Variants in FHIT observed in about 807,000 individuals in gnomAD.
The protein encoded by FHIT is bis(5'-adenosyl)-triphosphatase.
A neutral mutation model predicts 17.9 loss-of-function variants in FHIT; 19 were observed. The ratio of observed to expected loss-of-function variants is 1.06; its 90% CI spans 0.74 to 1.56. FHIT has a LOEUF of 1.56. FHIT is among the 40% of genes most tolerant of loss of function. FHIT has a pLI of 0.00. For synonymous variants in FHIT, 81 were observed against 69.7 expected, an observed-to-expected ratio of 1.16 and a Z score of -0.81; for missense variants, 248 against 189.2, an observed-to-expected ratio of 1.31 and a Z score of -1.82.
At chr3:60,331,664 T>A (rs1191159199) in intron 5 of FHIT, among the ~76,000 whole-genome samples, 1 of 152,032 alleles carries the variant, frequency 6.6e-6, no homozygotes, top group Non-Finnish European at 1.5e-5. Flanking sequence ...CTGACCAACA[T>A]GGAGAAACCT....
intron 2 of FHIT, among the ~76,000 whole-genome samples, chr3:61,043,774 C>T (rs1460976375): frequency 6.6e-6 from 1 of 152,176 alleles, no homozygotes; most frequent in African/African-American, 2.4e-5. Context: ...CCCTCTGAGA[C>T]AAAGCTTTCA....
intron 4 of FHIT, among the ~76,000 whole-genome samples, chr3:60,563,037 T>G (rs1202828759): frequency 6.6e-6 from 1 of 152,190 alleles, no homozygotes; most frequent in African/African-American, 2.4e-5. Context: ...GGCTAGCCTT[T>G]GGAAGTTTTT....
At position 60,188,207 on chromosome 3, in the gene FHIT, CTTTTTT is replaced by C. The variant is rs1210975877; in HGVS notation, c.104-174061_104-174056del. 4.8e-5 allele frequency among the ~76,000 whole-genome samples: 6 copies of C among 125,574 alleles called. No homozygotes were observed. The East Asian group carries it at 7.1e-4, about 15-fold the overall frequency. 82.4% of individuals were successfully genotyped at this position (125,574 alleles called of 152,430 possible). ...ACTCAGGGATCTTGACAGTTTCTTT[CTTTTTT>C]TTTTTTTTTTTTTTACCATTATTAC... On this transcript the variant is annotated intron_variant, in intron 5 of 9. Coordinates refer to ENST00000492590, the MANE Select transcript of FHIT (RefSeq NM_002012.4).
chr3:60,706,550 C>T (rs2041378163), intron 4 of FHIT, among the ~76,000 whole-genome samples: 1 of 152,110 alleles, frequency 6.6e-6, no homozygotes, highest in African/African-American at 2.4e-5. Context: ...TCAGAGTGAA[C>T]AATAATTACC....
chr3:61,010,500 A>G (rs1354291978), intron 3 of FHIT, among the ~76,000 whole-genome samples: 2 of 152,208 alleles, frequency 1.3e-5, no homozygotes, highest in Admixed American at 1.3e-4. Flanking sequence ...TAGAAAGGTT[A>G]AGTAACATGC....
chr3:60,757,409 T>C (rs1260531614), intron 4 of FHIT, among the ~76,000 whole-genome samples: 2 of 152,300 alleles, frequency 1.3e-5, no homozygotes, highest in Admixed American at 6.5e-5. Flanking sequence ...TGGTTTGTGA[T>C]AAATGCTGTG....
In FHIT at chr3:60,011,390, T is replaced by C; in HGVS notation, c.260A>G (p.Glu87Gly). 6.2e-7 allele frequency: 1 copy of C among 1,613,584 alleles called. No homozygotes were observed. The highest frequency in any genetic ancestry group is 8.5e-7 in the Non-Finnish European group (1 of 1,179,576). ...SLTFSMQDGP[E>G]AGQTVKHVHV... ...ACTCACCTTCACAGTCTGTCCGGCT[T>C]CGGGGCCATCCTAGAAGTAGGAAAA... The change falls in exon 7 of 10, where the codon GAA becomes GGA. Residue 87 changes from glutamate to glycine, a missense_variant. Physicochemically the swap from Glu to Gly is moderately conservative, Grantham distance 98 (BLOSUM62 -2). Transcript: ENST00000492590.
At chr3:60,164,261 G>A (rs1701060425) in intron 5 of FHIT, among the ~76,000 whole-genome samples, 1 of 152,172 alleles carries the variant, frequency 6.6e-6, no homozygotes, top group South Asian at 2.1e-4. Context: ...GGTGTTGAGA[G>A]GTTATCAGCA....
chr3:59,997,386 T>C (rs1278315334), intron 7 of FHIT, among the ~76,000 whole-genome samples: 8 of 152,148 alleles, frequency 5.3e-5, no homozygotes, highest in Admixed American at 3.9e-4. Context: ...AAGCAAAGTG[T>C]TGGTTCACAA....
At chr3:60,462,869 G>T (rs1244311461) in intron 5 of FHIT, among the ~76,000 whole-genome samples, 1 of 152,192 alleles carries the variant, frequency 6.6e-6, no homozygotes, top group African/African-American at 2.4e-5. Context: ...TCATGGCACA[G>T]TCCTCCCAAT....
At chr3:60,798,915 G>A (rs887229013) in intron 4 of FHIT, among the ~76,000 whole-genome samples, 9 of 151,472 alleles carry the variant, frequency 5.9e-5, no homozygotes, top group Non-Finnish European at 8.8e-5. Flanking sequence ...GCACCACCAC[G>A]CCCTGCTAGT....
At chr3:60,390,454 A>C (rs1701183491) in intron 5 of FHIT, among the ~76,000 whole-genome samples, 1 of 147,264 alleles carries the variant, frequency 6.8e-6, no homozygotes, top group African/African-American at 2.5e-5. Flanking sequence ...ATTTATTACA[A>C]GGTACTTTTA....
intron 5 of FHIT, among the ~76,000 whole-genome samples, chr3:60,036,229 T>A (rs570012362): frequency 6.6e-6 from 1 of 152,226 alleles, no homozygotes; most frequent in Non-Finnish European, 1.5e-5. Flanking sequence ...TATCTCCATG[T>A]GTCCCAAATC....
intron 2 of FHIT, among the ~76,000 whole-genome samples, chr3:61,155,584 ATCT>A (rs1350804506): frequency 6.6e-6 from 1 of 152,144 alleles, no homozygotes; most frequent in East Asian, 1.9e-4. Context: ...TGCTTCATTC[ATCT>A]TCTCCTTTTT....
chr3:61,126,644 G>T (rs143613865), intron 2 of FHIT, among the ~76,000 whole-genome samples: 75 of 152,262 alleles, frequency 4.9e-4, no homozygotes, highest in African/African-American at 1.7e-3. Context: ...TACAATTCAA[G>T]ATCAGATTTA....
At chr3:60,493,750 A>T (rs374710764) in intron 5 of FHIT, among the ~76,000 whole-genome samples, 1 of 152,332 alleles carries the variant, frequency 6.6e-6, no homozygotes, top group African/African-American at 2.4e-5. Context: ...TTCAAACGAG[A>T]GATACGACTG....
chr3:60,439,959 C>T (rs2030645405), intron 5 of FHIT, among the ~76,000 whole-genome samples: 1 of 151,996 alleles, frequency 6.6e-6, no homozygotes, highest in African/African-American at 2.4e-5. Flanking sequence ...CAATCCTTTA[C>T]TCTTTCTCAC....
At chr3:61,067,015 T>C (rs1462826392) in intron 2 of FHIT, among the ~76,000 whole-genome samples, 1 of 152,188 alleles carries the variant, frequency 6.6e-6, no homozygotes, top group Non-Finnish European at 1.5e-5. Flanking sequence ...TGCTTGTGCG[T>C]GGGCTGGGAA....
intron 5 of FHIT, among the ~76,000 whole-genome samples, chr3:60,438,698 T>A (rs1319551684): frequency 6.6e-6 from 1 of 152,150 alleles, no homozygotes; most frequent in Non-Finnish European, 1.5e-5. Context: ...TGTTTAATAA[T>A]CAATCCCCTT....
Sources: allele counts gnomAD v4.1 joint callset (sites outside exome capture counted in the v4.1 genomes callset), GRCh38; gene constraint gnomAD v4.1.1; transcripts MANE v1.5; gene names NCBI Gene and HGNC (gene_info 2026-07-23, HGNC 2026-07-21).